BICD1: variants seen among roughly 807,000 people sequenced by gnomAD.
BICD1 encodes BICD cargo adaptor 1.
BICD1 carries 35 observed loss-of-function variants against 92.5 expected under a neutral mutation model. That is an observed-to-expected ratio of 0.38 (90% confidence interval 0.29 to 0.50). BICD1 has a LOEUF of 0.50. Among genes scored for constraint, BICD1 ranks in the 20% least tolerant of loss-of-function variants. The pLI is 0.93. For synonymous variants in BICD1, 429 were observed against 465.1 expected (o/e 0.92, Z 1.00); for missense variants, 950 against 1,189.8 (o/e 0.80, Z 2.97).
At chr12:32,223,516 C>CAAAAA (rs60536204) in intron 2 of BICD1, among the ~76,000 whole-genome samples, 59 of 103,366 alleles carry the variant, frequency 5.7e-4, no homozygotes, top group Middle Eastern at 5.4e-3. Context: ...GACTTTGTCT[C>CAAAAA]AAAAAAAAAA....
chr12:32,374,112 G>A (rs1351665254), intron 9 of BICD1, among the ~76,000 whole-genome samples: 1 of 151,614 alleles, frequency 6.6e-6, no homozygotes, highest in African/African-American at 2.4e-5. Context: ...TACTCAGGAG[G>A]CTGAGGCACT....
intron 4 of BICD1, among the ~76,000 whole-genome samples, chr12:32,315,066 T>C (rs1161971842): frequency 6.6e-6 from 1 of 152,232 alleles, no homozygotes; most frequent in Non-Finnish European, 1.5e-5. Flanking sequence ...TAGGTTTTCC[T>C]CTAAGAGTTT....
At chr12:32,151,353 T>A (rs1455411286) in intron 1 of BICD1, among the ~76,000 whole-genome samples, 1 of 152,224 alleles carries the variant, frequency 6.6e-6, no homozygotes, top group Non-Finnish European at 1.5e-5. Flanking sequence ...CTCTGGAGCC[T>A]CTGGCTGCCT....
At chr12:32,237,733 G>C (rs1246924427) in intron 2 of BICD1, among the ~76,000 whole-genome samples, 1 of 152,096 alleles carries the variant, frequency 6.6e-6, no homozygotes, top group African/African-American at 2.4e-5. Context: ...AAAGCCTGCT[G>C]TTGAGACCTA....
intron 1 of BICD1, 152 bp from the exon 2 acceptor site, chr12:32,216,095 A>G: frequency 1.9e-6 from 1 of 539,928 alleles, no homozygotes; most frequent in Middle Eastern, 5.1e-4. Context: ...TATTTCAAGC[A>G]TCAGTGAGAG....
At chr12:32,217,690 G>A (rs1166853819) in intron 2 of BICD1, among the ~76,000 whole-genome samples, 5 of 152,148 alleles carry the variant, frequency 3.3e-5, no homozygotes, top group Non-Finnish European at 5.9e-5. Flanking sequence ...TCCCTCCAAC[G>A]TGAACAACTG....
At chr12:32,135,366 G>A (rs546252106) in intron 1 of BICD1, among the ~76,000 whole-genome samples, 2 of 140,532 alleles carry the variant, frequency 1.4e-5, no homozygotes, top group East Asian at 2.2e-4. Context: ...GGGATTACAG[G>A]CATGAGCCAC....
intron 1 of BICD1, among the ~76,000 whole-genome samples, chr12:32,117,711 T>C (rs12830238): frequency 0.25 from 29,388 of 116,180 alleles, 4,295 homozygotes; most frequent in Middle Eastern, 0.36. Context: ...CAAATATATA[T>C]ACACACACAC....
intron 1 of BICD1, among the ~76,000 whole-genome samples, chr12:32,148,367 T>C (rs1943181857): frequency 6.6e-6 from 1 of 152,164 alleles, no homozygotes; most frequent in Non-Finnish European, 1.5e-5. Context: ...AAACTGGCTT[T>C]CTGGAGAGTC....
intron 8 of BICD1, chr12:32,340,658 C>T (rs10844190): frequency 0.31 from 116,634 of 377,924 alleles, 20,775 homozygotes; most frequent in African/African-American, 0.61. Context: ...TGAATATATA[C>T]TTTATATTGT....
chr12:32,302,207 AAAG>A (rs1366633543), intron 3 of BICD1, among the ~76,000 whole-genome samples: 5 of 152,248 alleles, frequency 3.3e-5, no homozygotes, highest in African/African-American at 1.2e-4. Context: ...TTTTTTTAAA[AAAG>A]AAATCAGAAG....
At chr12:32,294,801 G>T (rs1565648580) in intron 3 of BICD1, among the ~76,000 whole-genome samples, 1 of 152,044 alleles carries the variant, frequency 6.6e-6, no homozygotes, top group African/African-American at 2.4e-5. Flanking sequence ...AGAAAAAGAG[G>T]CCGGGCGTGG....
At position 32,337,818 on chromosome 12, in the gene BICD1, T is replaced by TATGC; in HGVS notation, c.2570+8_2570+11dup. The stretch of plus-strand genomic sequence containing the variant: ...CAGCAGTGGCACTCAGAGGAAAAGG[T>TATGC]ATGCATGCAGCGATCTTCATAGTAC... On this transcript the variant is annotated splice_region_variant and intron_variant, in intron 7 of 9. Coordinates refer to ENST00000652176, the MANE Select transcript of BICD1 (RefSeq NM_001714.4). The surrounding 1 kb of genome is among the most constrained non-coding windows in gnomAD (Gnocchi z 4.7). 1 of 1,613,972 alleles carries TATGC rather than the reference T, an allele frequency of 6.2e-7. No homozygotes were observed. The highest frequency in any genetic ancestry group is 8.5e-7 in the Non-Finnish European group (1 of 1,179,904).
intron 3 of BICD1, among the ~76,000 whole-genome samples, chr12:32,298,144 C>G (rs1947924264): frequency 6.7e-6 from 1 of 149,006 alleles, no homozygotes; most frequent in Non-Finnish European, 1.5e-5. Flanking sequence ...GATCACACCT[C>G]TGTACTCCAG....
chr12:32,237,069 G>T (rs1263037753), intron 2 of BICD1, among the ~76,000 whole-genome samples: 2 of 151,766 alleles, frequency 1.3e-5, no homozygotes, highest in African/African-American at 4.8e-5. Flanking sequence ...TAGAGACAGG[G>T]TTTCACCATG....
chr12:32,279,883 G>A (rs573285229), intron 2 of BICD1, among the ~76,000 whole-genome samples: 77 of 152,258 alleles, frequency 5.1e-4, no homozygotes, highest in African/African-American at 1.6e-3. Flanking sequence ...GTGGATCACC[G>A]GGGTCGGGAG....
At chr12:32,331,439 G>C (rs1183041864) in intron 5 of BICD1, among the ~76,000 whole-genome samples, 1 of 152,176 alleles carries the variant, frequency 6.6e-6, no homozygotes, top group Non-Finnish European at 1.5e-5. Flanking sequence ...TACAGGTTGA[G>C]TATCCCTTTT....
intron 1 of BICD1, 68 bp downstream of exon 1, chr12:32,107,612 G>C (rs1412114406): frequency 1.4e-6 from 2 of 1,472,730 alleles, no homozygotes; most frequent in Non-Finnish European, 1.8e-6. Context: ...CACTCATCAT[G>C]ATCAAGAAGT....
At chr12:32,116,492 T>TCTC (rs1565524980) in intron 1 of BICD1, among the ~76,000 whole-genome samples, 27 of 123,048 alleles carry the variant, frequency 2.2e-4, no homozygotes, top group Non-Finnish European at 3.9e-4. Context: ...CTCTCTCTCT[T>TCTC]TCTCTCTCTC....
Sources: allele counts gnomAD v4.1 joint callset (sites outside exome capture counted in the v4.1 genomes callset), GRCh38; gene constraint gnomAD v4.1.1; non-coding constraint Gnocchi (gnomAD v3.1); transcripts MANE v1.5; gene names NCBI Gene and HGNC (gene_info 2026-07-23, HGNC 2026-07-21).